Variants in ATP23 observed in about 807,000 individuals in gnomAD.
ATP23 encodes ATP23 metallopeptidase and ATP synthase assembly factor homolog, also known as mitochondrial inner membrane protease ATP23 homolog.
In ATP23, 24 loss-of-function variants were observed where a neutral mutation model predicts 28.5. The ratio of observed to expected loss-of-function variants is 0.84; its 90% CI spans 0.61 to 1.18. The LOEUF (loss-of-function observed/expected upper bound fraction) is 1.18. Among genes scored for constraint, ATP23 ranks in the 50% most tolerant of loss-of-function variants. The pLI is 0.00. For missense variants in ATP23, 274 were observed against 306.4 expected (o/e 0.89, Z 0.79); for synonymous variants, 99 against 108.6 (o/e 0.91, Z 0.55).
intron 4 of ATP23, among the ~76,000 whole-genome samples, chr12:57,952,547 C>T (rs550001655): frequency 7.2e-5 from 11 of 152,198 alleles, no homozygotes; most frequent in African/African-American, 2.4e-4. Context: ...CTAGAGAGAG[C>T]GTATTCTGCA....
At chr12:57,951,633 G>C (rs1422956245) in intron 3 of ATP23, 125 bp from the exon 4 acceptor site, 13 of 1,030,352 alleles carry the variant, frequency 1.3e-5, no homozygotes, top group Non-Finnish European at 1.8e-5. Flanking sequence ...ATGAAGAAGA[G>C]TGGGTAGAGA....
intron 4 of ATP23, 47 bp from the exon 5 acceptor site, chr12:57,953,559 A>C (rs370812279): frequency 6.6e-7 from 1 of 1,510,194 alleles, no homozygotes; most frequent in Non-Finnish European, 9.1e-7. Context: ...ATAAAGATAT[A>C]TAGAGCATGA....
chr12:57,958,299 C>T lies in ATP23; in HGVS notation c.*1409C>T, dbSNP rs1956887024. 6.6e-6 allele frequency among the ~76,000 whole-genome samples: 1 copy of T among 152,156 alleles called. No homozygotes were observed. Among genetic ancestry groups the T allele is most frequent in the Non-Finnish European group, 1.5e-5 (1 of 68,012 alleles). ...CGACCTGATGTTCCTTCCCTACCCA[C>T]CCTGGTATCTGAACAAAAAGGGCAT... On this transcript the variant is annotated 3_prime_UTR_variant, in exon 6 of 6. Coordinates refer to ENST00000300145, the MANE Select transcript of ATP23 (RefSeq NM_033276.4).
At chr12:57,951,634 T>G in intron 3 of ATP23, 124 bp from the exon 4 acceptor site, 1 of 1,021,198 alleles carries the variant, frequency 9.8e-7, no homozygotes, top group Non-Finnish European at 1.5e-6. Flanking sequence ...TGAAGAAGAG[T>G]GGGTAGAGAT....
At chr12:57,955,009 G>A (rs1956852250) in intron 5 of ATP23, among the ~76,000 whole-genome samples, 2 of 152,138 alleles carry the variant, frequency 1.3e-5, no homozygotes, top group African/African-American at 2.4e-5. Flanking sequence ...GTGCCCTTGA[G>A]TCCCTGCTTC....
chr12:57,941,569 C>T lies in ATP23; in HGVS notation c.-133C>T, dbSNP rs1956701605. On this transcript the variant is annotated 5_prime_UTR_variant, in exon 1 of 6. Coordinates refer to ENST00000300145, the MANE Select transcript of ATP23 (RefSeq NM_033276.4). ...GCCCCCTCCCGCCTAACGTCTTCAG[C>T]CCAGCCAGGCTGCCCTTCTTCCCTG... 20 of 1,270,880 alleles carry T rather than the reference C, an allele frequency of 1.6e-5. No individual in the cohort carries two copies. The highest frequency in any genetic ancestry group is 9.5e-5 in the South Asian group (6 of 63,366). The allele number at this position is 1,270,880 out of a possible 1,614,324, so 78.7% of individuals were successfully genotyped here.
intron 5 of ATP23, 27 bp from the exon 6 acceptor site, chr12:57,956,660 G>C (rs1216482171): frequency 2.7e-6 from 4 of 1,498,202 alleles, no homozygotes; most frequent in Admixed American, 4.3e-5. Context: ...TATAAAATTA[G>C]AGCCTCATAC....
intron 1 of ATP23, among the ~76,000 whole-genome samples, chr12:57,945,130 A>G (rs188968154): frequency 1.2e-4 from 19 of 152,402 alleles, no homozygotes; most frequent in African/African-American, 4.3e-4. Flanking sequence ...TAAGATGCTT[A>G]GTAGTACCAT....
chr12:57,950,905 A>T (rs1443674763), intron 3 of ATP23, among the ~76,000 whole-genome samples: 1 of 152,166 alleles, frequency 6.6e-6, no homozygotes, highest in Non-Finnish European at 1.5e-5. Flanking sequence ...ATTTTGGTAA[A>T]TATTTGGTTA....
chr12:57,946,683 C>T (rs1007591456), intron 2 of ATP23, among the ~76,000 whole-genome samples: 4 of 150,768 alleles, frequency 2.7e-5, no homozygotes, highest in African/African-American at 9.8e-5. Flanking sequence ...CTTGAACTCC[C>T]GACCTCAGGT....
intron 1 of ATP23, among the ~76,000 whole-genome samples, chr12:57,942,971 C>T (rs1369762797): frequency 6.6e-6 from 1 of 151,942 alleles, no homozygotes; most frequent in African/African-American, 2.4e-5. Context: ...CATACTTGTC[C>T]CAAAGCAAGG....
intron 5 of ATP23, among the ~76,000 whole-genome samples, chr12:57,955,692 A>G (rs1474974400): frequency 6.6e-6 from 1 of 152,162 alleles, no homozygotes; most frequent in Non-Finnish European, 1.5e-5. Context: ...CTTTTTAGCA[A>G]CTGTTGTTTT....
chr12:57,947,728 T>C (rs1956776289), intron 3 of ATP23, among the ~76,000 whole-genome samples: 1 of 152,234 alleles, frequency 6.6e-6, no homozygotes, highest in Non-Finnish European at 1.5e-5. Flanking sequence ...ATATCTCTTA[T>C]AGAGTTGCTT....
At position 57,953,724 on chromosome 12, in the gene ATP23, G is replaced by A. The variant is rs375646019; in HGVS notation, c.537+35G>A. 21 of 1,518,926 alleles carry A rather than the reference G, an allele frequency of 1.4e-5. No individual in the cohort carries two copies. In the African/African-American group the frequency reaches 2.5e-4, roughly 18 times the overall value. The allele number at this position is 1,518,926 out of a possible 1,614,324, so 94.1% of individuals were successfully genotyped here. ...AATATGAAATCACTTCCCCTCCAGAGTGTTACGAGTGGAAATAATGAATAA... is the reference window on the plus strand; with the variant it reads ...AATATGAAATCACTTCCCCTCCAGAATGTTACGAGTGGAAATAATGAATAA... On this transcript the variant is annotated intron_variant, in intron 5 of 5. Transcript: ENST00000300145.
chr12:57,950,795 C>T (rs1245627086), intron 3 of ATP23, among the ~76,000 whole-genome samples: 1 of 152,190 alleles, frequency 6.6e-6, no homozygotes, highest in African/African-American at 2.4e-5. Context: ...TCTCAAAGTA[C>T]TGGGATTATA....
At chr12:57,945,324 C>T (rs558283631) in intron 1 of ATP23, among the ~76,000 whole-genome samples, 1 of 152,230 alleles carries the variant, frequency 6.6e-6, no homozygotes, top group East Asian at 1.9e-4. Context: ...TGTCTGTCTC[C>T]TGGGTTCAAG....
intron 1 of ATP23, among the ~76,000 whole-genome samples, chr12:57,945,036 C>T (rs1241426063): frequency 2.6e-5 from 4 of 152,126 alleles, no homozygotes; most frequent in African/African-American, 7.2e-5. Context: ...CCCTAGATTC[C>T]CTCAGTCTTT....
At position 57,953,612 on chromosome 12, in the gene ATP23, G is replaced by A. The variant is rs773526918; in HGVS notation, c.460G>A (p.Ala154Thr). ...TTTGTCTTCTGTGTGATAGGTTCGA[G>A]CTGCTAACCTTAGTGGAGACTGCTC... is the stretch of plus-strand genomic sequence containing the variant. ...IRHLACSEVRAANLSGDCSLV... is the reference protein window; with the variant it reads ...IRHLACSEVRTANLSGDCSLV... The change falls in exon 5 of 6, where the codon GCT (alanine) becomes ACT (threonine). Residue 154 changes from alanine (A) to threonine (T), a missense_variant. Transcript: ENST00000300145. The A allele has an allele frequency of 8.1e-6, 13 of 1,613,968 alleles. No individual in the cohort carries two copies. The highest frequency in any genetic ancestry group is 1.7e-5 in the Admixed American group (1 of 60,010).
chr12:57,956,609 A>C (rs1956869106), intron 5 of ATP23, 78 bp from the exon 6 acceptor site: 2 of 1,073,048 alleles, frequency 1.9e-6, no homozygotes, highest in Non-Finnish European at 2.6e-6. Context: ...TAATTAATTC[A>C]GACATTAGAT....
Sources: gnomAD v4.1 joint callset for allele counts (sites outside exome capture counted in the v4.1 genomes callset) on GRCh38, gnomAD v4.1.1 for gene constraint, MANE v1.5 for transcripts, NCBI Gene and HGNC (gene_info 2026-07-23, HGNC 2026-07-21) for gene names.